The following FRMD6 variants were observed in gnomAD, a reference collection of about 807,000 sequenced individuals.
The protein encoded by FRMD6 is FERM domain containing 6, also known as FERM domain-containing protein 6.
FRMD6 carries 37 observed loss-of-function variants against 73.2 expected under a neutral mutation model. The observed-to-expected ratio is 0.51, with a 90% confidence interval of 0.39 to 0.66. The LOEUF is 0.66. FRMD6 is among the 30% of genes least tolerant of loss of function. The probability of loss-of-function intolerance (pLI) is 0.00; values close to 1 mark genes in which losing one functional copy is unlikely to be tolerated. For missense variants in FRMD6, 714 were observed against 780.5 expected (o/e 0.91, Z 1.02); for synonymous variants, 273 against 282.2 (o/e 0.97, Z 0.33).
Position 51,728,670 on chromosome 14 carries a change from C to T in FRMD6, c.*641C>T, listed in dbSNP as rs1295617699. 1.3e-5 allele frequency: 2 copies of T among 153,076 alleles called. No homozygotes were observed. The highest frequency in any genetic ancestry group is 4.8e-5 in the African/African-American group (2 of 41,440). 9.5% of individuals were successfully genotyped at this position (153,076 alleles called of 1,614,324 possible). A position where few individuals can be genotyped will look rare whatever the true frequency, so the allele number is the denominator to read the frequency against. Reference sequence around the variant, plus strand: ...TGATGCCTGTGACTCCTTCATCCCGCTCAGTGCCATGTCCTCTTTTGTGAT... The same window carrying T: ...TGATGCCTGTGACTCCTTCATCCCGTTCAGTGCCATGTCCTCTTTTGTGAT... On this transcript the variant is annotated 3_prime_UTR_variant, in exon 14 of 14. Transcript: ENST00000344768.
intron 2 of FRMD6, among the ~76,000 whole-genome samples, chr14:51,575,149 A>G (rs1888334776): frequency 6.6e-6 from 1 of 152,212 alleles, no homozygotes; most frequent in Non-Finnish European, 1.5e-5. Flanking sequence ...TAGGAACATT[A>G]TCAATCCTCT....
At chr14:51,595,573 A>G (rs376578108) in intron 2 of FRMD6, among the ~76,000 whole-genome samples, 2 of 152,224 alleles carry the variant, frequency 1.3e-5, no homozygotes, top group East Asian at 1.9e-4. Context: ...AGGGGAGTAC[A>G]TAGGGTGAAC....
chr14:51,517,100 A>G (rs1233074690), intron 1 of FRMD6, among the ~76,000 whole-genome samples: 13 of 152,216 alleles, frequency 8.5e-5, no homozygotes, highest in Admixed American at 8.5e-4. Flanking sequence ...TGTATACTTT[A>G]AGTGTTATTT....
chr14:51,436,626 G>A, the FRMD6 span: 3 of 546,650 alleles, frequency 5.5e-6, no homozygotes, highest in African/African-American at 3.8e-5. Flanking sequence ...GCAGCATGCG[G>A]AACTAGAGAG....
At chr14:51,587,572 T>G (rs2139702604) in intron 2 of FRMD6, among the ~76,000 whole-genome samples, 1 of 152,300 alleles carries the variant, frequency 6.6e-6, no homozygotes, top group South Asian at 2.1e-4. Flanking sequence ...GAGCTGCATT[T>G]GTGTGTGCTT....
intron 12 of FRMD6, chr14:51,724,045 T>G (rs1040097292): frequency 2.0e-5 from 3 of 152,198 alleles, no homozygotes; most frequent in Non-Finnish European, 4.4e-5. Context: ...TCATCTTAGT[T>G]TTCTAAATTC....
At chr14:51,491,226 C>T (rs1454441351) in intron 1 of FRMD6, among the ~76,000 whole-genome samples, 2 of 152,222 alleles carry the variant, frequency 1.3e-5, no homozygotes, top group African/African-American at 4.8e-5. Flanking sequence ...CCCTAAGAGG[C>T]TAACTCCTTA....
chr14:51,419,011 T>A, the FRMD6 span, among the ~76,000 whole-genome samples: 1 of 152,244 alleles, frequency 6.6e-6, no homozygotes, highest in Non-Finnish European at 1.5e-5. Context: ...TCTCCTGGTG[T>A]GCCATTCACT....
the FRMD6 span, among the ~76,000 whole-genome samples, chr14:51,430,658 C>A: frequency 6.6e-6 from 1 of 151,800 alleles, no homozygotes; most frequent in African/African-American, 2.4e-5. Context: ...CCGCTTAAAT[C>A]AGAACCAAAG....
chr14:51,569,617 C>T (rs994025752), intron 1 of FRMD6, among the ~76,000 whole-genome samples: 1 of 150,464 alleles, frequency 6.6e-6, no homozygotes, highest in Non-Finnish European at 1.5e-5. Flanking sequence ...GATCCTTCCA[C>T]CTCAGCCTTC....
chr14:51,675,978 T>C (rs747945582), intron 1 of FRMD6, among the ~76,000 whole-genome samples: 5 of 152,158 alleles, frequency 3.3e-5, no homozygotes, highest in Admixed American at 6.6e-5. Context: ...TTTATTAGCA[T>C]TTGGGTATGT....
At chr14:51,436,838 G>C in the FRMD6 span, 1 of 478,442 alleles carries the variant, frequency 2.1e-6, no homozygotes, top group Non-Finnish European at 3.9e-6. Context: ...AGAAGGAGAA[G>C]ATGATGATGA....
chr14:51,636,824 T>A (rs1466228646), intron 2 of FRMD6, among the ~76,000 whole-genome samples: 5 of 152,170 alleles, frequency 3.3e-5, no homozygotes, highest in African/African-American at 1.2e-4. Flanking sequence ...AGGGAGCCCC[T>A]TTCCCAAGAG....
chr14:51,455,495 C>T, the FRMD6 span, among the ~76,000 whole-genome samples: 9 of 152,252 alleles, frequency 5.9e-5, no homozygotes, highest in South Asian at 4.2e-4. Flanking sequence ...TTGCATTTGT[C>T]GGGCAGTTTT....
At chr14:51,508,565 G>A (rs1010801935) in intron 1 of FRMD6, among the ~76,000 whole-genome samples, 5 of 152,268 alleles carry the variant, frequency 3.3e-5, no homozygotes, top group Admixed American at 2.0e-4. Flanking sequence ...TGGAGGAAAC[G>A]TAAAATACAT....
At chr14:51,651,166 A>AG (rs2140084348), upstream of FRMD6, 1 of 152,574 alleles carries the variant, frequency 6.6e-6, no homozygotes, top group South Asian at 2.1e-4. Flanking sequence ...ATAATTTCTG[A>AG]GGGGCCATGG....
chr14:51,456,602 G>A, the FRMD6 span, among the ~76,000 whole-genome samples: 1 of 151,130 alleles, frequency 6.6e-6, no homozygotes, highest in African/African-American at 2.4e-5. Context: ...TTTTTCATTT[G>A]TTTGTTGGCT....
intron 2 of FRMD6, chr14:51,643,409 T>G (rs1377892036): frequency 6.6e-6 from 1 of 152,230 alleles, no homozygotes; most frequent in African/African-American, 2.4e-5. Flanking sequence ...AACTGTTGTC[T>G]TGGTGATGTG....
chr14:51,658,929 C>T (rs1458286757), intron 1 of FRMD6, among the ~76,000 whole-genome samples: 1 of 152,000 alleles, frequency 6.6e-6, no homozygotes, highest in Admixed American at 6.6e-5. Context: ...ATATCCTACC[C>T]GAATAAGATA....
Sources: gnomAD v4.1 joint callset for allele counts (sites outside exome capture counted in the v4.1 genomes callset) on GRCh38, gnomAD v4.1.1 for gene constraint, MANE v1.5 for transcripts, NCBI Gene and HGNC (gene_info 2026-07-23, HGNC 2026-07-21) for gene names.